The following ZFP64 variants were observed in gnomAD, a reference collection of about 807,000 sequenced individuals.
ZFP64 encodes zinc finger protein 64.
A neutral mutation model predicts 51.6 loss-of-function variants in ZFP64; 14 were observed. The observed-to-expected ratio is 0.27, with a 90% CI of 0.18 to 0.42. The LOEUF is 0.42. Among genes scored for constraint, ZFP64 ranks in the 10% least tolerant of loss-of-function variants. ZFP64 has a pLI of 1.00. For synonymous variants in ZFP64, 375 were observed against 361.4 expected (o/e 1.04, Z -0.43); for missense variants, 754 against 906.8 (o/e 0.83, Z 2.16).
intron 7 of ZFP64, among the ~76,000 whole-genome samples, chr20:52,094,623 A>G (rs2078965248): frequency 6.6e-6 from 1 of 152,128 alleles, no homozygotes; most frequent in Non-Finnish European, 1.5e-5. Flanking sequence ...GCTGGGCGAA[A>G]TGGGGCATGC....
chr20:52,179,796 A>G (rs562619540), intron 2 of ZFP64, among the ~76,000 whole-genome samples: 16 of 152,340 alleles, frequency 1.1e-4, no homozygotes, highest in African/African-American at 3.8e-4. Context: ...GGCTCATGTT[A>G]GATGCTTTTG....
intron 5 of ZFP64, chr20:52,104,955 AGT>A: frequency 7.0e-6 from 5 of 712,770 alleles, no homozygotes; most frequent in Non-Finnish European, 1.1e-5. Context: ...ACTCCAGGAG[AGT>A]GTAATTTACA....
intron 2 of ZFP64, among the ~76,000 whole-genome samples, chr20:52,186,463 G>A (rs1039975682): frequency 2.6e-5 from 4 of 151,294 alleles, no homozygotes; most frequent in African/African-American, 9.7e-5. Context: ...CTTTACACAA[G>A]TAATGCAAAC....
chr20:52,089,551 G>A (rs1188330620), intron 7 of ZFP64, among the ~76,000 whole-genome samples: 2 of 151,774 alleles, frequency 1.3e-5, no homozygotes. Context: ...GACCAGACTG[G>A]GCAACATGGC....
Position 52,191,703 on chromosome 20 carries a change from C to T in ZFP64, c.-67G>A. On this transcript the variant is annotated 5_prime_UTR_variant, in exon 1 of 6. Coordinates refer to ENST00000216923, the MANE Select transcript of ZFP64 (RefSeq NM_018197.3). The surrounding 1 kb of genome is among the most constrained non-coding windows in gnomAD (Gnocchi z 4.3). ...GTGGGGGACGCTGATCTACATGGTG[C>T]AAGGACTTTTCCTTTTATTTTTCCA... 6.7e-7 allele frequency: 1 copy of T among 1,499,956 alleles called. No homozygotes were observed. The allele number at this position is 1,499,956 out of a possible 1,614,324, so 92.9% of individuals were successfully genotyped here. A position where few individuals can be genotyped will look rare whatever the true frequency, so the allele number is the denominator to read the frequency against.
intron 5 of ZFP64, among the ~76,000 whole-genome samples, chr20:52,101,846 C>T (rs1009581387): frequency 6.6e-6 from 1 of 150,824 alleles, no homozygotes; most frequent in Non-Finnish European, 1.5e-5. Context: ...CAGCCGGGTG[C>T]CGTGGCTCAT....
At chr20:52,157,776 C>T (rs573495085) in intron 5 of ZFP64, among the ~76,000 whole-genome samples, 60 of 152,288 alleles carry the variant, frequency 3.9e-4, no homozygotes, top group African/African-American at 1.2e-3. Context: ...CCCATCAACC[C>T]GTCATCTACA....
chr20:52,142,612 C>T lies in ZFP64; in HGVS notation c.763+17511G>A, dbSNP rs140792469. 2.4e-3 allele frequency among the ~76,000 whole-genome samples: 360 copies of T among 151,780 alleles called. 7 individuals are homozygous for T. The highest frequency in any genetic ancestry group is 0.017 in the East Asian group (87 of 5,130). On this transcript the variant is annotated intron_variant, in intron 5 of 8. Coordinates refer to the ZFP64 transcript ENST00000361387. ...ATCCCAGCACTTTGGGAGGCTGAGG[C>T]GGGCTGATCACAAGGTTAGGAGTTT...
At chr20:52,147,444 A>G (rs2122933529), downstream of ZFP64, among the ~76,000 whole-genome samples, 1 of 152,322 alleles carries the variant, frequency 6.6e-6, no homozygotes, top group South Asian at 2.1e-4. Flanking sequence ...CAGCTGTATC[A>G]GCATTGTTTG....
At chr20:52,178,086 T>C (rs1400789560) in intron 2 of ZFP64, among the ~76,000 whole-genome samples, 3 of 151,232 alleles carry the variant, frequency 2.0e-5, no homozygotes, top group Non-Finnish European at 4.4e-5. Flanking sequence ...ACCGAAAGCA[T>C]CTGACCTGAC....
intron 5 of ZFP64, among the ~76,000 whole-genome samples, chr20:52,158,707 A>AG (rs1265079527): frequency 5.3e-5 from 8 of 151,026 alleles, no homozygotes; most frequent in African/African-American, 2.0e-4. Flanking sequence ...CTCCATCTCA[A>AG]AAAAGAAAGA....
At chr20:52,095,005 A>G (rs2078973121) in intron 7 of ZFP64, among the ~76,000 whole-genome samples, 1 of 152,220 alleles carries the variant, frequency 6.6e-6, no homozygotes, top group Non-Finnish European at 1.5e-5. Context: ...GAACTGAAGC[A>G]CCAAAGCCAA....
chr20:52,137,906 T>G (rs1980054065), intron 5 of ZFP64, among the ~76,000 whole-genome samples: 1 of 152,102 alleles, frequency 6.6e-6, no homozygotes, highest in South Asian at 2.1e-4. Flanking sequence ...CCCGGTGCAC[T>G]GGCTCATGCC....
chr20:52,149,856 CTTAA>C (rs776777583), downstream of ZFP64, among the ~76,000 whole-genome samples: 3 of 152,120 alleles, frequency 2.0e-5, no homozygotes, highest in East Asian at 1.9e-4. Context: ...AAATATTATG[CTTAA>C]TTAAACTACA....
chr20:52,190,579 G>A (rs965809060), intron 1 of ZFP64, among the ~76,000 whole-genome samples: 1 of 152,078 alleles, frequency 6.6e-6, no homozygotes, highest in African/African-American at 2.4e-5. Context: ...TTACCTGCTG[G>A]GTTCTTACTG....
chr20:52,176,489 T>C (rs1195301528), intron 2 of ZFP64, among the ~76,000 whole-genome samples: 9 of 151,560 alleles, frequency 5.9e-5, no homozygotes, highest in Non-Finnish European at 1.3e-4. Flanking sequence ...TATTTCTAGC[T>C]TCTGGTTCAA....
At chr20:52,135,511 G>T (rs754696506) in intron 5 of ZFP64, among the ~76,000 whole-genome samples, 7 of 152,054 alleles carry the variant, frequency 4.6e-5, no homozygotes, top group African/African-American at 1.7e-4. Context: ...ACAGGGTCTC[G>T]CTCTGTTGCT....
At chr20:52,149,726 T>C (rs534627052), downstream of ZFP64, among the ~76,000 whole-genome samples, 2 of 152,290 alleles carry the variant, frequency 1.3e-5, no homozygotes, top group East Asian at 1.9e-4. Flanking sequence ...AAATCAAATA[T>C]GCATGTGTGT....
At chr20:52,147,508 T>A (rs987744625), downstream of ZFP64, among the ~76,000 whole-genome samples, 1 of 152,156 alleles carries the variant, frequency 6.6e-6, no homozygotes, top group Admixed American at 6.5e-5. Context: ...GTAAAAATAT[T>A]CTAAAGGAAG....
Sources: gnomAD v4.1 joint callset for allele counts (sites outside exome capture counted in the v4.1 genomes callset) on GRCh38, gnomAD v4.1.1 for gene constraint, Gnocchi (gnomAD v3.1) non-coding constraint, MANE v1.5 for transcripts, NCBI Gene and HGNC (gene_info 2026-07-23, HGNC 2026-07-21) for gene names.